Variants in IP6K2 observed in about 807,000 individuals in gnomAD.
IP6K2 encodes inositol hexakisphosphate kinase 2.
A neutral mutation model predicts 43.3 loss-of-function variants in IP6K2; 9 were observed. The ratio of observed to expected loss-of-function variants is 0.21; its 90% CI spans 0.13 to 0.36. The LOEUF (loss-of-function observed/expected upper bound fraction) is 0.36. Among genes scored for constraint, IP6K2 ranks in the 10% least tolerant of loss-of-function variants. The probability of loss-of-function intolerance (pLI) is 1.00; values close to 1 mark genes in which losing one functional copy is unlikely to be tolerated. For missense variants in IP6K2, 332 were observed against 538.4 expected (o/e 0.62, Z 3.79); for synonymous variants, 209 against 202.4 (o/e 1.03, Z -0.28).
Position 48,691,466 on chromosome 3 carries a change from C to G in IP6K2, c.445G>C (p.Glu149Gln), listed in dbSNP as rs1234347606. 2 of 1,609,326 alleles carry G rather than the reference C, an allele frequency of 1.2e-6. No individual in the cohort carries two copies. Among genetic ancestry groups the G allele is most frequent in the Non-Finnish European group, 1.7e-6 (2 of 1,176,936 alleles). Reference sequence around the variant, plus strand: ...TCAGATTTCTTTAGCCACTCAAATTCTTCTTCTAACTTATGGCTATAAAGA... The same window carrying G: ...TCAGATTTCTTTAGCCACTCAAATTGTTCTTCTAACTTATGGCTATAAAGA... ...EKMKSHKLEE[E>Q]FEWLKKSEVL... The change falls in exon 4 of 6, where the codon GAA becomes CAA. Residue 149 changes from glutamate to glutamine, a missense_variant. Physicochemically the swap from Glu to Gln is conservative, Grantham distance 29. Coordinates refer to ENST00000328631, the MANE Select transcript of IP6K2 (RefSeq NM_016291.4).
At chr3:48,691,195 G>C in intron 4 of IP6K2, 112 bp downstream of exon 4, 1 of 858,404 alleles carries the variant, frequency 1.2e-6, no homozygotes, top group Non-Finnish European at 1.9e-6. Flanking sequence ...CCAGGTAGGA[G>C]AAACTCAACC....
At chr3:48,692,573 T>C (rs192211831) in intron 3 of IP6K2, among the ~76,000 whole-genome samples, 48 of 152,378 alleles carry the variant, frequency 3.2e-4, no homozygotes. Flanking sequence ...AGGATGGCCC[T>C]GCTTAGGGGG....
intron 1 of IP6K2, among the ~76,000 whole-genome samples, chr3:48,698,288 C>G (rs2078633033): frequency 6.6e-6 from 1 of 152,184 alleles, no homozygotes; most frequent in Non-Finnish European, 1.5e-5. Flanking sequence ...TACTAAAGCA[C>G]ATGTCAGGTA....
At chr3:48,702,146 G>A (rs2079124778) in intron 1 of IP6K2, among the ~76,000 whole-genome samples, 1 of 151,732 alleles carries the variant, frequency 6.6e-6, no homozygotes, top group South Asian at 2.1e-4. Context: ...CAGGAGAATT[G>A]CTTGAACCCA....
chr3:48,695,481 C>A lies in IP6K2; in HGVS notation c.-130-60G>T. 5 of 1,320,494 alleles carry A rather than the reference C, an allele frequency of 3.8e-6. No individual in the cohort carries two copies. Among genetic ancestry groups the A allele is most frequent in the South Asian group, 4.9e-5 (2 of 40,886 alleles). 81.8% of individuals were successfully genotyped at this position (1,320,494 alleles called of 1,614,324 possible). Reference sequence around the variant, plus strand: ...AAGTAGCGTGGGAAGTGCCTTAGAGCTGCTCACCCTGCTCCTTCAGCAGAA... The same window carrying A: ...AAGTAGCGTGGGAAGTGCCTTAGAGATGCTCACCCTGCTCCTTCAGCAGAA... On this transcript the variant is annotated intron_variant, in intron 1 of 5. Transcript: ENST00000328631. The surrounding 1 kb of genome is among the most constrained non-coding windows in gnomAD (Gnocchi z 4.6).
intron 3 of IP6K2, among the ~76,000 whole-genome samples, chr3:48,691,711 T>A (rs931518739): frequency 1.3e-5 from 2 of 151,856 alleles, no homozygotes; most frequent in African/African-American, 4.8e-5. Context: ...GGCAGGAGAA[T>A]CACTTGAACC....
rs2078215026 is a variant in IP6K2, at chr3:48,695,358, CTGT to C, written c.-70_-68del. 6.6e-7 allele frequency: 1 copy of C among 1,526,402 alleles called. No individual in the cohort carries two copies. The highest frequency in any genetic ancestry group is 8.8e-7 in the Non-Finnish European group (1 of 1,137,462). The allele number at this position is 1,526,402 out of a possible 1,614,324, so 94.6% of individuals were successfully genotyped here. ...GTCCAGCGGCCAGTACGTCTTCTGT[CTGT>C]TGTTTGTCCGTGTGTCCCTCTCGTC... On this transcript the variant is annotated 5_prime_UTR_variant, in exon 2 of 6. Transcript: ENST00000328631. This position sits in a 1 kb window ranked among gnomAD's most constrained non-coding sequence, Gnocchi z 4.6.
At chr3:48,701,956 C>T (rs537658335) in intron 1 of IP6K2, among the ~76,000 whole-genome samples, 1 of 152,092 alleles carries the variant, frequency 6.6e-6, no homozygotes, top group Non-Finnish European at 1.5e-5. Context: ...TACATACAAA[C>T]TCATTGGCTG....
intron 1 of IP6K2, among the ~76,000 whole-genome samples, chr3:48,714,770 C>T (rs1246529112): frequency 2.0e-5 from 3 of 150,878 alleles, no homozygotes; most frequent in African/African-American, 7.4e-5. Flanking sequence ...ATGGCGTGAA[C>T]CCGGAAGGCG....
chr3:48,697,135 C>T (rs2078448869), intron 1 of IP6K2, among the ~76,000 whole-genome samples: 2 of 151,858 alleles, frequency 1.3e-5, no homozygotes, highest in African/African-American at 4.8e-5. Context: ...ATTCTCCTGC[C>T]TCAGCCTCCT....
At chr3:48,694,480 C>G in intron 2 of IP6K2, 1 of 1,548,528 alleles carries the variant, frequency 6.5e-7, no homozygotes, top group Non-Finnish European at 8.7e-7. Flanking sequence ...AAGACTCCCC[C>G]ACTCCCCAAC....
rs148012691 is a variant in IP6K2 at position 48,695,315 on chromosome 3, G to A, written c.-24C>T. On this transcript the variant is annotated 5_prime_UTR_variant, in exon 2 of 6. Transcript: ENST00000328631. The surrounding 1 kb of genome is among the most constrained non-coding windows in gnomAD (Gnocchi z 4.6). ...ATCCTCCGGGCGCAGATGGCGGGGA[G>A]ATGGGGGAGGCAGCGGAGTCCAGCG... 5.3e-4 allele frequency: 852 copies of A among 1,597,750 alleles called. 5 individuals carry two copies. The highest frequency in any genetic ancestry group is 1.1e-4 in the Non-Finnish European group (124 of 1,170,022).
At chr3:48,692,437 G>A (rs778470632) in intron 3 of IP6K2, among the ~76,000 whole-genome samples, 13 of 152,190 alleles carry the variant, frequency 8.5e-5, no homozygotes, top group Non-Finnish European at 1.5e-4. Flanking sequence ...GACTCCAAAA[G>A]CTGGCAACTG....
At chr3:48,712,242 ATT>A (rs1553651735) in intron 1 of IP6K2, among the ~76,000 whole-genome samples, 20 of 139,572 alleles carry the variant, frequency 1.4e-4, no homozygotes, top group Non-Finnish European at 1.7e-4. Flanking sequence ...CAAAAAAAAA[ATT>A]TTTTTTTTTT....
In IP6K2 at chr3:48,695,594, C is replaced by T; in HGVS notation, c.-130-173G>A. Reference sequence around the variant, plus strand: ...GCCTTCTCCGGCAGAAAAACAAAAACACTATGAGCTCATGGGGCGGGGTTA... The same window carrying T: ...GCCTTCTCCGGCAGAAAAACAAAAATACTATGAGCTCATGGGGCGGGGTTA... On this transcript the variant is annotated intron_variant, in intron 1 of 5. Coordinates refer to ENST00000328631, the MANE Select transcript of IP6K2 (RefSeq NM_016291.4). The surrounding 1 kb of genome is among the most constrained non-coding windows in gnomAD (Gnocchi z 4.6). 1.2e-6 allele frequency: 1 copy of T among 818,714 alleles called. No individual in the cohort carries two copies. Among genetic ancestry groups the T allele is most frequent in the Non-Finnish European group, 1.7e-6 (1 of 601,836 alleles). The allele number at this position is 818,714 out of a possible 1,614,324, so 50.7% of individuals were successfully genotyped here.
chr3:48,701,759 G>A (rs1289016597), intron 1 of IP6K2, among the ~76,000 whole-genome samples: 1 of 151,866 alleles, frequency 6.6e-6, no homozygotes, highest in Non-Finnish European at 1.5e-5. Context: ...TTAGCTAGGC[G>A]TGGTGGCAGG....
intron 1 of IP6K2, among the ~76,000 whole-genome samples, chr3:48,704,691 T>G (rs911855990): frequency 2.5e-4 from 38 of 152,222 alleles, no homozygotes; most frequent in African/African-American, 8.9e-4. Flanking sequence ...CAGGCTGGTC[T>G]TGAACTCTTG....
intron 1 of IP6K2, chr3:48,715,449 C>T: frequency 6.5e-7 from 1 of 1,535,950 alleles, no homozygotes; most frequent in South Asian, 1.2e-5. Flanking sequence ...TCAGTGGTTG[C>T]TCCTTCTTTC....
intron 1 of IP6K2, among the ~76,000 whole-genome samples, chr3:48,710,988 A>T (rs1167983054): frequency 6.6e-6 from 1 of 152,122 alleles, no homozygotes; most frequent in African/African-American, 2.4e-5. Flanking sequence ...AGCTCACTGC[A>T]GCCTTGCCTT....
Sources: allele counts gnomAD v4.1 joint callset (sites outside exome capture counted in the v4.1 genomes callset), GRCh38; gene constraint gnomAD v4.1.1; non-coding constraint Gnocchi (gnomAD v3.1); transcripts MANE v1.5; gene names NCBI Gene and HGNC (gene_info 2026-07-23, HGNC 2026-07-21).